The following C19orf25 variants were observed in gnomAD, a reference collection of about 807,000 sequenced individuals.
C19orf25 encodes the protein chromosome 19 open reading frame 25.
C19orf25 carries 1 observed loss-of-function variant against 3.1 expected under a neutral mutation model. The ratio of observed to expected loss-of-function variants is 0.32; its 90% CI spans 0.12 to 1.54. C19orf25 has a LOEUF of 1.54. C19orf25 is among the 40% of genes most tolerant of loss of function. C19orf25 has a pLI of 0.38. For missense variants in C19orf25, 196 were observed against 160.4 expected, an observed-to-expected ratio of 1.22 and a Z score of -1.20; for synonymous variants, 91 against 74.3, an observed-to-expected ratio of 1.23 and a Z score of -1.16.
rs567113832 is a variant in C19orf25, at chr19:1,474,689, G to T, written c.*343C>A. 39 of 937,502 alleles carry T rather than the reference G, an allele frequency of 4.2e-5. No individual in the cohort carries two copies. Among genetic ancestry groups the T allele is most frequent in the Non-Finnish European group, 5.8e-5 (38 of 656,984 alleles). The allele number at this position is 937,502 out of a possible 1,614,324, so 58.1% of individuals were successfully genotyped here. ...AAGTGGACAGGCGAGTGCCTGCCCC[G>T]GGAGAGGAAGGAGGTGGCACCTGCT... On this transcript the variant is annotated 3_prime_UTR_variant, in exon 3 of 3. Transcript: ENST00000585675.
At position 1,475,216 on chromosome 19, in the gene C19orf25, G is replaced by T; in HGVS notation, c.173C>A (p.Pro58Gln). ...PFRMMEDAEA[P>Q]GEQLYQQSRA... ...GCTTTGCTGGTAGAGCTGCTCTCCC[G>T]GGGCCTCCGCATCCTCCATCATCCT... Residue 58 changes from proline to glutamine, a missense_variant, in exon 3 of 3, where the codon CCG (proline) becomes CAG (glutamine). Transcript: ENST00000585675. 1.3e-6 allele frequency: 2 copies of T among 1,562,408 alleles called. No homozygotes were observed. Among genetic ancestry groups the T allele is most frequent in the South Asian group, 2.4e-5 (2 of 84,870 alleles).
At position 1,474,926 on chromosome 19, in the gene C19orf25, C is replaced by A. The variant is rs780609062; in HGVS notation, c.*106G>T. ...GGAGGGGCGCCTGTGTCAACACCCA[C>A]GTGGGCTGGGACCCCGTGAATGCCA... On this transcript the variant is annotated 3_prime_UTR_variant, in exon 3 of 3. Transcript: ENST00000585675. 2.0e-6 allele frequency: 3 copies of A among 1,526,546 alleles called. No individual in the cohort carries two copies. Among genetic ancestry groups the A allele is most frequent in the Non-Finnish European group, 2.6e-6 (3 of 1,139,510 alleles). 94.6% of individuals were successfully genotyped at this position (1,526,546 alleles called of 1,614,324 possible). A position where few individuals can be genotyped will look rare whatever the true frequency, so the allele number is the denominator to read the frequency against.
chr19:1,476,304 C>T (rs536908835), intron 2 of C19orf25: 200 of 398,740 alleles, frequency 5.0e-4, no homozygotes, highest in African/African-American at 3.8e-3. Flanking sequence ...CCTGCTTTAG[C>T]AACAGGGTGG....
chr19:1,474,083 A>G lies in C19orf25; in HGVS notation c.*949T>C, dbSNP rs2084178086. ...CATGCAGTGCCCGGCAGGACTGAGC[A>G]GGGTTCCCGGGGTCGCCGGTACCCA... On this transcript the variant is annotated 3_prime_UTR_variant, in exon 3 of 3. Coordinates refer to ENST00000585675, the MANE Select transcript of C19orf25 (RefSeq NM_152482.3). 1 of 152,164 alleles carries G rather than the reference A, an allele frequency of 6.6e-6. No homozygotes were observed. The highest frequency in any genetic ancestry group is 1.5e-5 in the Non-Finnish European group (1 of 68,030). The allele number at this position is 152,164 out of a possible 1,614,324, so 9.4% of individuals were successfully genotyped here.
rs973617470 is a variant in C19orf25 at position 1,478,754 on chromosome 19, C to A, written c.130+20G>T. 1.0e-5 allele frequency: 16 copies of A among 1,551,836 alleles called. No individual in the cohort carries two copies. The highest frequency in any genetic ancestry group is 7.9e-5 in the Admixed American group (4 of 50,928). ...CCGGGGTCTCAGGTCCGCTTTTCCC[C>A]GGGACCGGGCTCCCCCTACCTTCCG... On this transcript the variant is annotated intron_variant, in intron 2 of 2. Coordinates refer to ENST00000585675, the MANE Select transcript of C19orf25 (RefSeq NM_152482.3).
Position 1,478,757 on chromosome 19 carries a change from G to A in C19orf25, c.130+17C>T. ...GGGTCTCAGGTCCGCTTTTCCCCGG[G>A]ACCGGGCTCCCCCTACCTTCCGGGG... is the stretch of plus-strand genomic sequence containing the variant. On this transcript the variant is annotated intron_variant, in intron 2 of 2. Transcript: ENST00000585675. 1 of 1,555,330 alleles carries A rather than the reference G, an allele frequency of 6.4e-7. No individual in the cohort carries two copies. Among genetic ancestry groups the A allele is most frequent in the South Asian group, 1.2e-5 (1 of 84,564 alleles).
chr19:1,478,077 TGA>T (rs1335452759), intron 2 of C19orf25, among the ~76,000 whole-genome samples: 1 of 151,772 alleles, frequency 6.6e-6, no homozygotes, highest in Non-Finnish European at 1.5e-5. Context: ...TGACCTCAAG[TGA>T]TCCACCCACC....
rs770608417 is a variant in C19orf25, at chr19:1,475,031, G to A, written c.*1C>T. ...TGCCCAAGCCTGCAGGCCCCGAGAG[G>A]TCAGCCTGAGGAGGCAGCCTCGGCT... On this transcript the variant is annotated 3_prime_UTR_variant, in exon 3 of 3. Coordinates refer to ENST00000585675, the MANE Select transcript of C19orf25 (RefSeq NM_152482.3). 5.1e-6 allele frequency: 8 copies of A among 1,583,752 alleles called. No homozygotes were observed. The highest frequency in any genetic ancestry group is 6.0e-6 in the Non-Finnish European group (7 of 1,168,118).
chr19:1,478,744 C>A (rs1293862172), intron 2 of C19orf25, 30 bp downstream of exon 2: 2 of 1,545,498 alleles, frequency 1.3e-6, no homozygotes, highest in East Asian at 2.4e-5. Flanking sequence ...GTCTCAGGTC[C>A]GCTTTTCCCC....
At chr19:1,475,492 A>G in intron 2 of C19orf25, 1 of 529,692 alleles carries the variant, frequency 1.9e-6, no homozygotes, top group South Asian at 2.7e-5. Flanking sequence ...ACCAGCCTGG[A>G]CAACATAGTG....
intron 2 of C19orf25, chr19:1,476,473 C>T (rs902165571): frequency 7.6e-6 from 3 of 393,812 alleles, no homozygotes; most frequent in Middle Eastern, 6.3e-4. Context: ...CTCAGGTGAC[C>T]GAACTGCATG....
In C19orf25 at chr19:1,474,190, A is replaced by C. The variant is rs932799959; in HGVS notation, c.*842T>G. 1 of 152,180 alleles carries C rather than the reference A, an allele frequency of 6.6e-6. No homozygotes were observed. Among genetic ancestry groups the C allele is most frequent in the Non-Finnish European group, 1.5e-5 (1 of 68,054 alleles). The allele number at this position is 152,180 out of a possible 1,614,324, so 9.4% of individuals were successfully genotyped here. A position where few individuals can be genotyped will look rare whatever the true frequency, so the allele number is the denominator to read the frequency against. On this transcript the variant is annotated 3_prime_UTR_variant, in exon 3 of 3. Coordinates refer to ENST00000585675, the MANE Select transcript of C19orf25 (RefSeq NM_152482.3). ...ACGGCCAGACACACACGAAAGCTTTATGTGCAGGGCCCAGCCTCTGGGCCG... is the reference window on the plus strand; with the variant it reads ...ACGGCCAGACACACACGAAAGCTTTCTGTGCAGGGCCCAGCCTCTGGGCCG...
chr19:1,476,186 C>T (rs1034803664), intron 2 of C19orf25: 10 of 398,868 alleles, frequency 2.5e-5, no homozygotes, highest in South Asian at 1.3e-4. Context: ...CTCAGAGAAG[C>T]GTCAGGGGCC....
Position 1,474,697 on chromosome 19 carries a change from AAGG to A in C19orf25, c.*332_*334del. 3 of 1,008,824 alleles carry A rather than the reference AAGG, an allele frequency of 3.0e-6. No individual in the cohort carries two copies. The highest frequency in any genetic ancestry group is 2.8e-6 in the Non-Finnish European group (2 of 721,716). 62.5% of individuals were successfully genotyped at this position (1,008,824 alleles called of 1,614,324 possible). On this transcript the variant is annotated 3_prime_UTR_variant, in exon 3 of 3. Coordinates refer to ENST00000585675, the MANE Select transcript of C19orf25 (RefSeq NM_152482.3). ...AGGCGAGTGCCTGCCCCGGGAGAGG[AAGG>A]AGGTGGCACCTGCTCCCAGGGGCCC...
At chr19:1,477,513 G>T (rs2084217445) in intron 2 of C19orf25, among the ~76,000 whole-genome samples, 1 of 152,208 alleles carries the variant, frequency 6.6e-6, no homozygotes, top group South Asian at 2.1e-4. Context: ...TCTCTGACTA[G>T]CTTCCACCTC....
In C19orf25 at chr19:1,474,226, G is replaced by A. The variant is rs1384785299; in HGVS notation, c.*806C>T. On this transcript the variant is annotated 3_prime_UTR_variant, in exon 3 of 3. Transcript: ENST00000585675. ...CCAGCCTCTGGGCCGCCTTGCCCAG[G>A]TTTCCACTCAAGTTGCTATTTAGGA... 6.6e-6 allele frequency: 1 copy of A among 152,200 alleles called. No homozygotes were observed. Among genetic ancestry groups the A allele is most frequent in the Admixed American group, 6.5e-5 (1 of 15,272 alleles). The allele number at this position is 152,200 out of a possible 1,614,324, so 9.4% of individuals were successfully genotyped here.
intron 2 of C19orf25, chr19:1,475,564 C>T: frequency 2.9e-6 from 1 of 344,252 alleles, no homozygotes. Flanking sequence ...TAGCACGCAT[C>T]TGTGGTCCCT....
rs754438085 is a variant in C19orf25, at chr19:1,473,678, G to C, written c.*1354C>G. The C allele has an allele frequency of 6.6e-6, 1 of 152,568 alleles. No individual in the cohort carries two copies. The allele number at this position is 152,568 out of a possible 1,614,324, so 9.5% of individuals were successfully genotyped here. On this transcript the variant is annotated 3_prime_UTR_variant, in exon 3 of 3. Coordinates refer to ENST00000585675, the MANE Select transcript of C19orf25 (RefSeq NM_152482.3). ...GCTGCGGGAGCTGGGACGGCCCCAC[G>C]TCAAAGCCACTTCAGGGAGCACAGC...
In C19orf25 at chr19:1,478,849, T is replaced by TG. The variant is rs1314761833; in HGVS notation, c.54dup (p.Thr19HisfsTer70). On this transcript the variant is annotated frameshift_variant, in exon 2 of 3. Transcript: ENST00000585675. LOFTEE classifies it high-confidence loss of function. ...ACATCCTCCAGGATCTGCTCCACCG[T>TG]GGGGGGCGCTGGGCGGGTGGGCAGC... The TG allele has an allele frequency of 2.5e-6, 4 of 1,594,188 alleles. No homozygotes were observed. The highest frequency in any genetic ancestry group is 3.4e-6 in the Non-Finnish European group (4 of 1,172,072).
Sources: allele counts gnomAD v4.1 joint callset (sites outside exome capture counted in the v4.1 genomes callset), GRCh38; gene constraint gnomAD v4.1.1; transcripts MANE v1.5; gene names NCBI Gene and HGNC (gene_info 2026-07-23, HGNC 2026-07-21).